Variants in CADM2 observed in about 807,000 individuals in gnomAD.
The protein encoded by CADM2 is immunoglobulin superfamily member 4D.
A neutral mutation model predicts 49.8 loss-of-function variants in CADM2; 12 were observed. That is an observed-to-expected ratio of 0.24 (90% CI 0.15 to 0.39). The LOEUF is 0.39. Ranked by LOEUF, CADM2 falls within the 10% of genes least tolerant of loss-of-function variation. CADM2 has a pLI of 1.00. For missense variants in CADM2, 378 were observed against 492.3 expected, an observed-to-expected ratio of 0.77 and a Z score of 2.20; for synonymous variants, 214 against 175.4, an observed-to-expected ratio of 1.22 and a Z score of -1.74.
intron 8 of CADM2, among the ~76,000 whole-genome samples, chr3:85,982,991 A>G (rs1308983896): frequency 6.6e-6 from 1 of 151,676 alleles, no homozygotes; most frequent in Non-Finnish European, 1.5e-5. Flanking sequence ...AAACTATAGC[A>G]TTTATCTCCA....
At chr3:85,581,351 G>T (rs1220858903) in intron 1 of CADM2, among the ~76,000 whole-genome samples, 1 of 150,876 alleles carries the variant, frequency 6.6e-6, no homozygotes, top group Admixed American at 6.6e-5. Context: ...AATAAAAACA[G>T]TCATTCTCTC....
At chr3:85,532,001 C>A (rs1399406594) in intron 1 of CADM2, among the ~76,000 whole-genome samples, 1 of 152,106 alleles carries the variant, frequency 6.6e-6, no homozygotes, top group Non-Finnish European at 1.5e-5. Context: ...CACGGTGAAA[C>A]CCCGTCTATA....
chr3:85,665,753 C>T (rs540746828), intron 1 of CADM2, among the ~76,000 whole-genome samples: 2 of 152,082 alleles, frequency 1.3e-5, no homozygotes, highest in Non-Finnish European at 2.9e-5. Context: ...TACCTGTCTT[C>T]ACCTTTTACT....
At chr3:85,962,260 T>C (rs1724932734) in intron 8 of CADM2, among the ~76,000 whole-genome samples, 1 of 152,028 alleles carries the variant, frequency 6.6e-6, no homozygotes, top group African/African-American at 2.4e-5. Context: ...TCACTTATAA[T>C]CCAGAATCAT....
At chr3:85,799,396 T>G (rs2071846777) in intron 2 of CADM2, among the ~76,000 whole-genome samples, 1 of 152,214 alleles carries the variant, frequency 6.6e-6, no homozygotes, top group Non-Finnish European at 1.5e-5. Flanking sequence ...ATTATGATAT[T>G]GGCTGTGGGT....
intron 8 of CADM2, among the ~76,000 whole-genome samples, chr3:86,041,704 C>A: frequency 6.6e-6 from 1 of 152,136 alleles, no homozygotes; most frequent in Non-Finnish European, 1.5e-5. Flanking sequence ...TATCCAGGAA[C>A]TGAACTCAGC....
chr3:85,590,374 C>T (rs1219871189), intron 1 of CADM2, among the ~76,000 whole-genome samples: 1 of 151,924 alleles, frequency 6.6e-6, no homozygotes, highest in Non-Finnish European at 1.5e-5. Flanking sequence ...CTTTATAGTA[C>T]TTGACCTCAA....
chr3:85,486,103 G>A (rs2039403215), intron 1 of CADM2, among the ~76,000 whole-genome samples: 1 of 152,096 alleles, frequency 6.6e-6, no homozygotes, highest in African/African-American at 2.4e-5. Context: ...TTGCTCCTCA[G>A]CGAAACATAC....
chr3:85,248,070 A>G (rs2042689762), intron 1 of CADM2, among the ~76,000 whole-genome samples: 1 of 152,118 alleles, frequency 6.6e-6, no homozygotes, highest in African/African-American at 2.4e-5. Flanking sequence ...TTCACCTATG[A>G]CTTGTTTATG....
chr3:85,490,261 A>G lies in CADM2; in HGVS notation c.62-236261A>G, dbSNP rs1447588754. Among the ~76,000 whole-genome samples, 5 of 152,176 alleles carry G rather than the reference A, an allele frequency of 3.3e-5. No homozygotes were observed. The South Asian group carries it at 8.3e-4, about 25-fold the overall frequency. On this transcript the variant is annotated intron_variant, in intron 1 of 9. Transcript: ENST00000383699. ...AGCAAGATTACACACCTAAGGTTATAGACTCAAGACTTGAGCTCAAATTCT... is the reference window on the plus strand; with the variant it reads ...AGCAAGATTACACACCTAAGGTTATGGACTCAAGACTTGAGCTCAAATTCT...
chr3:85,952,314 CTTTTCTTA>C (rs1388098478), intron 7 of CADM2, among the ~76,000 whole-genome samples: 1 of 150,760 alleles, frequency 6.6e-6, no homozygotes, highest in Non-Finnish European at 1.5e-5. Flanking sequence ...ACTGTATTGC[CTTTTCTTA>C]TTTTCTAAGT....
chr3:85,823,131 C>A (rs2073696050), intron 3 of CADM2, among the ~76,000 whole-genome samples: 2 of 152,032 alleles, frequency 1.3e-5, no homozygotes, highest in African/African-American at 4.8e-5. Context: ...TTTTGTTGTT[C>A]AGATATTCTC....
intron 1 of CADM2, among the ~76,000 whole-genome samples, chr3:85,452,666 A>G (rs2107571359): frequency 6.6e-6 from 1 of 152,284 alleles, no homozygotes; most frequent in East Asian, 1.9e-4. Context: ...TGGACTCCAT[A>G]GAAATTATCT....
intron 8 of CADM2, among the ~76,000 whole-genome samples, chr3:85,982,067 T>A (rs907804480): frequency 1.3e-5 from 2 of 151,756 alleles, no homozygotes; most frequent in Non-Finnish European, 2.9e-5. Context: ...TAAGAAGGTA[T>A]TTCATTGCGG....
intron 1 of CADM2, among the ~76,000 whole-genome samples, chr3:85,129,155 A>G (rs573523803): frequency 1.1e-4 from 17 of 152,262 alleles, no homozygotes; most frequent in Non-Finnish European, 2.1e-4. Context: ...GGCCCAAGGA[A>G]GATTAAGTTA....
chr3:85,646,396 T>C (rs1256946653), intron 1 of CADM2, among the ~76,000 whole-genome samples: 1 of 151,934 alleles, frequency 6.6e-6, no homozygotes, highest in Admixed American at 6.6e-5. Context: ...AACAGTCAAT[T>C]AGGAGCACAA....
chr3:84,989,835 G>A (rs1294670362), intron 1 of CADM2, among the ~76,000 whole-genome samples: 1 of 151,876 alleles, frequency 6.6e-6, no homozygotes, highest in Admixed American at 6.6e-5. Context: ...TAAATATTAA[G>A]TATTGTGATT....
intron 1 of CADM2, among the ~76,000 whole-genome samples, chr3:85,427,736 A>C (rs1224570007): frequency 6.6e-6 from 1 of 152,098 alleles, no homozygotes; most frequent in East Asian, 1.9e-4. Flanking sequence ...TTCATGCAAA[A>C]ACTTCTGTCA....
chr3:84,989,219 T>A (rs979754520), intron 1 of CADM2, among the ~76,000 whole-genome samples: 3 of 152,190 alleles, frequency 2.0e-5, no homozygotes, highest in Non-Finnish European at 4.4e-5. Context: ...TTTCTTAAAA[T>A]CATTTATACT....
Sources: allele counts gnomAD v4.1 joint callset (sites outside exome capture counted in the v4.1 genomes callset), GRCh38; gene constraint gnomAD v4.1.1; transcripts MANE v1.5; gene names NCBI Gene and HGNC (gene_info 2026-07-23, HGNC 2026-07-21).